Variants in CSMD1 observed in about 807,000 individuals in gnomAD.
CSMD1 encodes CUB and Sushi multiple domains 1, also known as CUB and sushi domain-containing protein 1.
A neutral mutation model predicts 417.5 loss-of-function variants in CSMD1; 213 were observed. The observed-to-expected ratio is 0.51, with a 90% CI of 0.46 to 0.57. The LOEUF (loss-of-function observed/expected upper bound fraction) is 0.57. Among genes scored for constraint, CSMD1 ranks in the 20% least tolerant of loss-of-function variants. The pLI is 0.00. For synonymous variants in CSMD1, 2,862 were observed against 1,736.8 expected (o/e 1.65, Z -16.11); for missense variants, 6,923 against 4,529.7 (o/e 1.53, Z -15.17).
intron 7 of CSMD1, among the ~76,000 whole-genome samples, chr8:3,703,492 T>C (rs1800990330): frequency 6.6e-6 from 1 of 151,618 alleles, no homozygotes; most frequent in African/African-American, 2.4e-5. Flanking sequence ...CAGTAGATAC[T>C]GGTTGTGTAC....
chr8:3,708,371 A>T, intron 7 of CSMD1, 43 bp downstream of exon 7: 1 of 1,538,102 alleles, frequency 6.5e-7, no homozygotes, highest in Non-Finnish European at 9.0e-7. Flanking sequence ...TCCTCTGCTT[A>T]CAAGGGCGTA....
intron 3 of CSMD1, among the ~76,000 whole-genome samples, chr8:4,086,853 G>C (rs905194639): frequency 6.6e-6 from 1 of 152,162 alleles, no homozygotes; most frequent in Non-Finnish European, 1.5e-5. Flanking sequence ...ATTTCATCAC[G>C]TTTCTGGTAG....
chr8:3,113,977 G>A (rs930330587), intron 42 of CSMD1, among the ~76,000 whole-genome samples: 1 of 152,144 alleles, frequency 6.6e-6, no homozygotes, highest in African/African-American at 2.4e-5. Context: ...CAGCACTTTG[G>A]TAGGCTTAGG....
chr8:3,187,304 C>T (rs138391094), intron 36 of CSMD1, among the ~76,000 whole-genome samples: 63 of 152,204 alleles, frequency 4.1e-4, no homozygotes, highest in Admixed American at 1.0e-3. Context: ...GATTGAATGA[C>T]GCTCGAGGGC....
At chr8:4,830,573 C>G (rs1449493435) in intron 1 of CSMD1, among the ~76,000 whole-genome samples, 1 of 152,148 alleles carries the variant, frequency 6.6e-6, no homozygotes, top group African/African-American at 2.4e-5. Context: ...TAAGCCATTA[C>G]AAATTAGATA....
chr8:4,038,327 A>G (rs1797720805), intron 3 of CSMD1, among the ~76,000 whole-genome samples: 3 of 152,212 alleles, frequency 2.0e-5, no homozygotes, highest in Admixed American at 1.3e-4. Flanking sequence ...ACATAGTATT[A>G]TAAATCCATT....
At chr8:4,280,504 T>G (rs531698386) in intron 3 of CSMD1, among the ~76,000 whole-genome samples, 1 of 152,180 alleles carries the variant, frequency 6.6e-6, no homozygotes, top group African/African-American at 2.4e-5. Context: ...ACAGAAAAAT[T>G]AAAATATACA....
At chr8:3,933,868 AT>A (rs1450419524) in intron 5 of CSMD1, among the ~76,000 whole-genome samples, 1 of 152,070 alleles carries the variant, frequency 6.6e-6, no homozygotes, top group Non-Finnish European at 1.5e-5. Context: ...TTTTTTTCAC[AT>A]TTAACAAAGC....
At chr8:4,973,113 A>G (rs985922638) in intron 1 of CSMD1, among the ~76,000 whole-genome samples, 1 of 152,208 alleles carries the variant, frequency 6.6e-6, no homozygotes, top group Non-Finnish European at 1.5e-5. Flanking sequence ...ATGCTACTGT[A>G]TAGGTATTAA....
chr8:4,992,614 A>G (rs962124890), intron 1 of CSMD1, among the ~76,000 whole-genome samples: 1 of 152,048 alleles, frequency 6.6e-6, no homozygotes, highest in African/African-American at 2.4e-5. Context: ...GCCCCAGCAC[A>G]CCTCACAGGG....
chr8:3,348,714 T>A (rs1230066882), intron 21 of CSMD1, among the ~76,000 whole-genome samples: 1 of 152,202 alleles, frequency 6.6e-6, no homozygotes, highest in Admixed American at 6.5e-5. Context: ...GGAAGAACAT[T>A]CAATGGCAGT....
intron 26 of CSMD1, among the ~76,000 whole-genome samples, chr8:3,257,073 G>C (rs369160576): frequency 6.6e-6 from 1 of 152,292 alleles, no homozygotes; most frequent in South Asian, 2.1e-4. Flanking sequence ...TGTAATCCCA[G>C]CACTTTGGGA....
intron 12 of CSMD1, among the ~76,000 whole-genome samples, chr8:3,420,618 A>T (rs975136795): frequency 3.9e-5 from 6 of 152,204 alleles, no homozygotes; most frequent in Admixed American, 6.5e-5. Context: ...CAAAAATGTT[A>T]ATTTGAAAAA....
chr8:3,040,933 A>G (rs902675129), intron 50 of CSMD1, among the ~76,000 whole-genome samples: 2 of 152,234 alleles, frequency 1.3e-5, no homozygotes, highest in African/African-American at 4.8e-5. Flanking sequence ...CATCATGAAC[A>G]TTTTAAAACG....
rs183635832 is a variant in CSMD1 at position 4,204,917 on chromosome 8, C to T, written c.416-172818G>A. ...CTCAAAGATCCTCCCATCTCAGCTT[C>T]CCAAAGTGCTGGGATTACAAATGTG... On this transcript the variant is annotated intron_variant, in intron 3 of 69. Transcript: ENST00000635120. 7.9e-5 allele frequency among the ~76,000 whole-genome samples: 12 copies of T among 152,270 alleles called. No homozygotes were observed. The East Asian group carries it at 2.1e-3, about 27-fold the overall frequency.
intron 3 of CSMD1, among the ~76,000 whole-genome samples, chr8:4,110,674 C>A (rs4875278): frequency 2.0e-5 from 3 of 151,748 alleles, no homozygotes; most frequent in Admixed American, 6.6e-5. Context: ...ATAAAGTTAC[C>A]TAAGAAAATG....
intron 5 of CSMD1, among the ~76,000 whole-genome samples, chr8:3,848,379 T>TC (rs1803657114): frequency 6.6e-6 from 1 of 152,166 alleles, no homozygotes; most frequent in Non-Finnish European, 1.5e-5. Flanking sequence ...TCATTTTTTT[T>TC]CTCAGCCTTC....
chr8:4,257,261 C>T (rs573135487), intron 3 of CSMD1, among the ~76,000 whole-genome samples: 1 of 152,058 alleles, frequency 6.6e-6, no homozygotes. Context: ...TTTTATTATA[C>T]CAGTCTTTCT....
At chr8:4,015,739 T>A (rs1424711863) in intron 4 of CSMD1, among the ~76,000 whole-genome samples, 2 of 147,862 alleles carry the variant, frequency 1.4e-5, no homozygotes, top group Non-Finnish European at 3.0e-5. Context: ...ATACTGACAA[T>A]GTGTTTTGAC....
Sources: gnomAD v4.1 joint callset for allele counts (sites outside exome capture counted in the v4.1 genomes callset) on GRCh38, gnomAD v4.1.1 for gene constraint, MANE v1.5 for transcripts, NCBI Gene and HGNC (gene_info 2026-07-23, HGNC 2026-07-21) for gene names.